Variants in SLC15A1 observed in about 807,000 individuals in gnomAD.
SLC15A1 encodes solute carrier family 15 member 1, also known as Caco-2 oligopeptide transporter.
SLC15A1 carries 83 observed loss-of-function variants against 92.9 expected under a neutral mutation model. That is an observed-to-expected ratio of 0.89 (90% CI 0.75 to 1.07). The LOEUF (loss-of-function observed/expected upper bound fraction) is 1.07, where lower values mean the gene tolerates loss of function less well. SLC15A1 is among the 50% of genes least tolerant of loss of function. The probability of loss-of-function intolerance (pLI) is 0.00; values close to 1 mark genes in which losing one functional copy is unlikely to be tolerated. For missense variants in SLC15A1, 857 were observed against 880.1 expected (o/e 0.97, Z 0.33); for synonymous variants, 322 against 318.2 (o/e 1.01, Z -0.13).
chr13:98,730,624 C>T (rs1189692297), intron 1 of SLC15A1, among the ~76,000 whole-genome samples: 1 of 152,256 alleles, frequency 6.6e-6, no homozygotes, highest in Non-Finnish European at 1.5e-5. Flanking sequence ...TGCGGGGTTG[C>T]TGGAAGAGTC....
chr13:98,748,425 G>A (rs1331497396), intron 1 of SLC15A1, among the ~76,000 whole-genome samples: 1 of 152,136 alleles, frequency 6.6e-6, no homozygotes, highest in Non-Finnish European at 1.5e-5. Context: ...CGAGTAGCTG[G>A]GACTAGAGGT....
intron 1 of SLC15A1, among the ~76,000 whole-genome samples, 182 bp downstream of exon 1, chr13:98,752,413 G>A (rs1281474719): frequency 1.3e-5 from 2 of 151,950 alleles, no homozygotes; most frequent in African/African-American, 4.8e-5. Context: ...CGCCCCGGCC[G>A]CACGGTGACC....
chr13:98,741,771 T>A (rs1448017013), intron 1 of SLC15A1, among the ~76,000 whole-genome samples: 1 of 151,176 alleles, frequency 6.6e-6, no homozygotes, highest in African/African-American at 2.4e-5. Flanking sequence ...GCTACTTTCT[T>A]CCCCACTAGG....
At chr13:98,720,797 T>C (rs1188986564) in intron 7 of SLC15A1, 1 of 291,652 alleles carries the variant, frequency 3.4e-6, no homozygotes, top group Non-Finnish European at 6.7e-6. Context: ...ACACCTGTAA[T>C]CCCAGCACTT....
At chr13:98,741,364 G>A (rs1293675544) in intron 1 of SLC15A1, among the ~76,000 whole-genome samples, 2 of 152,192 alleles carry the variant, frequency 1.3e-5, no homozygotes. Context: ...TGTAATCCCA[G>A]CATTTTGGGA....
chr13:98,732,777 C>A lies in SLC15A1; in HGVS notation c.5-5918G>T, dbSNP rs144476859. ...GAGAGATAACTGTTTCCTACCATTA[C>A]CAAGAGTGAAACTGAAGGAATACTG... On this transcript the variant is annotated intron_variant, in intron 1 of 22. Transcript: ENST00000376503. Among the ~76,000 whole-genome samples, 16 of 152,238 alleles carry A rather than the reference C, an allele frequency of 1.1e-4. No individual in the cohort carries two copies. The East Asian group carries it at 2.7e-3, about 26-fold the overall frequency.
At chr13:98,727,649 C>T (rs1269137778) in intron 1 of SLC15A1, among the ~76,000 whole-genome samples, 4 of 152,308 alleles carry the variant, frequency 2.6e-5, no homozygotes, top group African/African-American at 9.6e-5. Flanking sequence ...CCGTCAGCAC[C>T]TGCTCTTCTG....
Position 98,685,791 on chromosome 13 carries a change from T to G in SLC15A1, c.1935+399A>C, listed in dbSNP as rs577307572. On this transcript the variant is annotated intron_variant, in intron 22 of 22. Coordinates refer to ENST00000376503, the MANE Select transcript of SLC15A1 (RefSeq NM_005073.4). ...TAGCGAGGTCAAGAGATCGAGACCATCCTGGCCAACATGGTGAAACACTGT... is the reference window on the plus strand; with the variant it reads ...TAGCGAGGTCAAGAGATCGAGACCAGCCTGGCCAACATGGTGAAACACTGT... Among the ~76,000 whole-genome samples, 55 of 152,118 alleles carry G rather than the reference T, an allele frequency of 3.6e-4. 2 individuals carry two copies. The South Asian group carries it at 0.011, about 32-fold the overall frequency.
chr13:98,707,871 C>T (rs140844947), intron 15 of SLC15A1, among the ~76,000 whole-genome samples: 4 of 121,584 alleles, frequency 3.3e-5, no homozygotes, highest in Admixed American at 1.1e-4. Context: ...GCAGCCTAGG[C>T]GACAGAGTGA....
At chr13:98,735,350 G>A (rs561181653) in intron 1 of SLC15A1, among the ~76,000 whole-genome samples, 49 of 152,214 alleles carry the variant, frequency 3.2e-4, no homozygotes, top group African/African-American at 1.1e-3. Flanking sequence ...AATAATAAGA[G>A]CTATTTATGA....
chr13:98,686,164 G>C, intron 22 of SLC15A1, 26 bp downstream of exon 22: 1 of 1,519,750 alleles, frequency 6.6e-7, no homozygotes, highest in Non-Finnish European at 9.1e-7. Context: ...ACAGAGGTAT[G>C]TGCAATCTCC....
At chr13:98,719,152 T>G in intron 8 of SLC15A1, 85 bp downstream of exon 8, 1 of 903,014 alleles carries the variant, frequency 1.1e-6, no homozygotes, top group South Asian at 1.5e-5. Flanking sequence ...ACTTGTTACA[T>G]GCACTTTAAA....
chr13:98,741,529 A>G (rs1355027813), intron 1 of SLC15A1, among the ~76,000 whole-genome samples: 1 of 152,132 alleles, frequency 6.6e-6, no homozygotes, highest in Non-Finnish European at 1.5e-5. Flanking sequence ...TGAGGCCAGG[A>G]ATTTCAGACC....
chr13:98,696,991 C>A (rs1344566677), intron 18 of SLC15A1, among the ~76,000 whole-genome samples: 1 of 152,102 alleles, frequency 6.6e-6, no homozygotes, highest in Non-Finnish European at 1.5e-5. Flanking sequence ...TCAGGAGAAA[C>A]CAGCCCTTCT....
At chr13:98,742,442 G>T (rs1317480030) in intron 1 of SLC15A1, among the ~76,000 whole-genome samples, 1 of 152,160 alleles carries the variant, frequency 6.6e-6, no homozygotes, top group African/African-American at 2.4e-5. Context: ...CTCAGCTTGG[G>T]TGTCCATGGC....
At chr13:98,686,394 TA>T (rs938310518) in intron 21 of SLC15A1, 97 bp from the exon 22 acceptor site, 2 of 797,396 alleles carry the variant, frequency 2.5e-6, no homozygotes, top group African/African-American at 3.4e-5. Context: ...CAGATCACCC[TA>T]ACAATGCACA....
chr13:98,712,693 C>T, intron 9 of SLC15A1, 109 bp from the exon 10 acceptor site: 1 of 693,810 alleles, frequency 1.4e-6, no homozygotes. Context: ...GTGAGAAAAG[C>T]AAAATATACA....
At chr13:98,698,436 T>C (rs547412112) in intron 18 of SLC15A1, among the ~76,000 whole-genome samples, 3 of 152,228 alleles carry the variant, frequency 2.0e-5, no homozygotes, top group South Asian at 4.2e-4. Context: ...TTTTTTGGTT[T>C]TGTTTTGTTT....
rs1227204946 is a variant in SLC15A1, at chr13:98,721,508, T to C, written c.543A>G (p.Thr181=). 1.2e-6 allele frequency: 2 copies of C among 1,612,550 alleles called. No individual in the cohort carries two copies. The highest frequency in any genetic ancestry group is 1.3e-5 in the African/African-American group (1 of 74,826). Residue 181 remains threonine (T), a synonymous_variant, in exon 7 of 23, where the codon ACA becomes ACG. Transcript: ENST00000376503. ...NAGSLLSTII[T]PMLRVQQCGI... ...GGTATCTCTTACCTCTGAGCATGGGTGTGATGATTGTGGAAAGCAAACTTC... is the reference window on the plus strand; with the variant it reads ...GGTATCTCTTACCTCTGAGCATGGGCGTGATGATTGTGGAAAGCAAACTTC...
Sources: gnomAD v4.1 joint callset for allele counts (sites outside exome capture counted in the v4.1 genomes callset) on GRCh38, gnomAD v4.1.1 for gene constraint, MANE v1.5 for transcripts, NCBI Gene and HGNC (gene_info 2026-07-23, HGNC 2026-07-21) for gene names.